Variants in CACNA2D3 observed in about 807,000 individuals in gnomAD.
CACNA2D3 encodes calcium voltage-gated channel auxiliary subunit alpha2delta 3, also known as voltage-dependent calcium channel subunit alpha-2/delta-3.
A neutral mutation model predicts 160.6 loss-of-function variants in CACNA2D3; 60 were observed. That is an observed-to-expected ratio of 0.37 (90% CI 0.30 to 0.46). The LOEUF (loss-of-function observed/expected upper bound fraction) is 0.46, where lower values mean the gene tolerates loss of function less well. Ranked by LOEUF, CACNA2D3 falls within the 20% of genes least tolerant of loss-of-function variation. The probability of loss-of-function intolerance (pLI) is 1.00; values close to 1 mark genes in which losing one functional copy is unlikely to be tolerated. For missense variants in CACNA2D3, 1,205 were observed against 1,365.0 expected (o/e 0.88, Z 1.85); for synonymous variants, 558 against 492.9 (o/e 1.13, Z -1.75).
In CACNA2D3 at chr3:54,339,901, T is replaced by C. The variant is rs9853670; in HGVS notation, c.321+19343T>C. On this transcript the variant is annotated intron_variant, in intron 3 of 37. Coordinates refer to ENST00000474759, the MANE Select transcript of CACNA2D3 (RefSeq NM_018398.3). ...CATCAGACCCTAATTTTCTTGTGACTTTAAAGAGTAAATATTTATTGAGTA... is the reference window on the plus strand; with the variant it reads ...CATCAGACCCTAATTTTCTTGTGACCTTAAAGAGTAAATATTTATTGAGTA... Among the ~76,000 whole-genome samples, 1,179 of 152,274 alleles carry C rather than the reference T, an allele frequency of 7.7e-3. 5 individuals carry two copies. Among genetic ancestry groups the C allele is most frequent in the African/African-American group, 0.017 (705 of 41,546 alleles).
rs117774786 is a variant in CACNA2D3, at chr3:54,676,932, C to T, written c.1167+34691C>T. Among the ~76,000 whole-genome samples the T allele has an allele frequency of 1.8e-4, 27 of 152,142 alleles. No homozygotes were observed. The East Asian group carries it at 2.3e-3, about 13-fold the overall frequency. On this transcript the variant is annotated intron_variant, in intron 11 of 37. Transcript: ENST00000474759. ...GGCACCAAGTAGGGAGTCAGATGTC[C>T]GTAATGCATTAGTTCTGGTTCAGCA...
chr3:54,456,960 C>T (rs376243906), intron 4 of CACNA2D3, among the ~76,000 whole-genome samples: 1 of 151,182 alleles, frequency 6.6e-6, no homozygotes, highest in African/African-American at 2.4e-5. Context: ...TTTTGTTTCT[C>T]ATTTTGCTTA....
At chr3:54,175,139 AC>A (rs1700651224) in intron 2 of CACNA2D3, among the ~76,000 whole-genome samples, 1 of 152,188 alleles carries the variant, frequency 6.6e-6, no homozygotes, top group African/African-American at 2.4e-5. Context: ...TTCAAGTGCC[AC>A]CATAGCACAG....
chr3:54,284,576 T>C (rs72986077), intron 2 of CACNA2D3, among the ~76,000 whole-genome samples: 2,061 of 152,302 alleles, frequency 0.014, 46 homozygotes, highest in African/African-American at 0.048. Flanking sequence ...AATGTCTTAA[T>C]TTTAAGGATG....
At chr3:54,728,503 A>G (rs1480892503) in intron 11 of CACNA2D3, among the ~76,000 whole-genome samples, 1 of 152,032 alleles carries the variant, frequency 6.6e-6, no homozygotes, top group African/African-American at 2.4e-5. Context: ...CCTGTCTGTA[A>G]TATCTGGATT....
intron 13 of CACNA2D3, among the ~76,000 whole-genome samples, chr3:54,809,069 G>C (rs1703212603): frequency 6.6e-6 from 1 of 152,040 alleles, no homozygotes; most frequent in African/African-American, 2.4e-5. Flanking sequence ...GAGACCTCTA[G>C]AGTTCAGAGA....
chr3:54,500,395 A>T (rs1033901955), intron 4 of CACNA2D3, among the ~76,000 whole-genome samples: 1 of 152,086 alleles, frequency 6.6e-6, no homozygotes, highest in Non-Finnish European at 1.5e-5. Flanking sequence ...TGCTCATTCA[A>T]GGTGATTATT....
At chr3:54,371,794 C>T (rs1314128753) in intron 3 of CACNA2D3, among the ~76,000 whole-genome samples, 1 of 152,216 alleles carries the variant, frequency 6.6e-6, no homozygotes, top group East Asian at 1.9e-4. Flanking sequence ...AGGAGGTTCA[C>T]ACTCTGATAT....
chr3:54,223,634 T>G (rs1164016578), intron 2 of CACNA2D3, among the ~76,000 whole-genome samples: 1 of 152,102 alleles, frequency 6.6e-6, no homozygotes, highest in Non-Finnish European at 1.5e-5. Flanking sequence ...GGTGGGCAGA[T>G]CATGAGGTCA....
At chr3:54,667,207 A>T (rs1700083023) in intron 11 of CACNA2D3, among the ~76,000 whole-genome samples, 4 of 150,828 alleles carry the variant, frequency 2.7e-5, no homozygotes, top group Non-Finnish European at 4.4e-5. Flanking sequence ...CATTCATGTA[A>T]AAAGGACCCT....
At chr3:54,919,844 G>A (rs1291037334) in intron 27 of CACNA2D3, among the ~76,000 whole-genome samples, 1 of 152,240 alleles carries the variant, frequency 6.6e-6, no homozygotes, top group Non-Finnish European at 1.5e-5. Context: ...GAGGTCACGA[G>A]TGGATGAAAC....
chr3:54,885,164 C>G lies in CACNA2D3; in HGVS notation c.1913-117C>G, dbSNP rs574018652. On this transcript the variant is annotated intron_variant, in intron 21 of 37. Transcript: ENST00000474759. ...AAACCTGCTGCTCCAAGGCAGGTCC[C>G]TTAGGGTTGATGTCTACCCTTAACC... 155 of 966,800 alleles carry G rather than the reference C, an allele frequency of 1.6e-4. No homozygotes were observed. In the African/African-American group the frequency reaches 2.1e-3, roughly 13 times the overall value. The allele number at this position is 966,800 out of a possible 1,614,324, so 59.9% of individuals were successfully genotyped here. A position where few individuals can be genotyped will look rare whatever the true frequency, so the allele number is the denominator to read the frequency against.
At chr3:54,942,042 T>A (rs981925518) in intron 27 of CACNA2D3, among the ~76,000 whole-genome samples, 9 of 152,326 alleles carry the variant, frequency 5.9e-5, no homozygotes, top group African/African-American at 2.2e-4. Flanking sequence ...TTCTTTCTTG[T>A]AAAAATGCGT....
At chr3:54,346,048 GA>G (rs11354950) in intron 3 of CACNA2D3, among the ~76,000 whole-genome samples, 70,892 of 151,714 alleles carry the variant, frequency 0.47, 16,745 homozygotes, top group African/African-American at 0.56. Context: ...GAGGAGGGTT[GA>G]AAAACAAAGT....
chr3:54,889,164 T>C (rs955512973), intron 24 of CACNA2D3, among the ~76,000 whole-genome samples: 1 of 152,156 alleles, frequency 6.6e-6, no homozygotes. Flanking sequence ...TGTCAGAGGA[T>C]GAGGCTGCAG....
At chr3:54,344,678 G>A (rs62256102) in intron 3 of CACNA2D3, among the ~76,000 whole-genome samples, 4 of 152,074 alleles carry the variant, frequency 2.6e-5, no homozygotes, top group Non-Finnish European at 5.9e-5. Flanking sequence ...GGGGGAAGGG[G>A]AGTGTCTCAG....
intron 4 of CACNA2D3, among the ~76,000 whole-genome samples, chr3:54,400,676 G>C (rs1288656804): frequency 3.9e-5 from 6 of 152,084 alleles, no homozygotes; most frequent in Non-Finnish European, 8.8e-5. Flanking sequence ...ATATACAACT[G>C]CTTCTACTAG....
intron 2 of CACNA2D3, among the ~76,000 whole-genome samples, chr3:54,148,579 C>T (rs1700081404): frequency 6.6e-6 from 1 of 152,166 alleles, no homozygotes; most frequent in Non-Finnish European, 1.5e-5. Context: ...TGGAGTTGGC[C>T]AGCAGGTCAG....
At chr3:54,667,655 C>A (rs759971977) in intron 11 of CACNA2D3, among the ~76,000 whole-genome samples, 38 of 152,112 alleles carry the variant, frequency 2.5e-4, no homozygotes, top group Admixed American at 7.9e-4. Flanking sequence ...TTAAAAGAGT[C>A]AAAATAAGGT....
Sources: allele counts gnomAD v4.1 joint callset (sites outside exome capture counted in the v4.1 genomes callset), GRCh38; gene constraint gnomAD v4.1.1; transcripts MANE v1.5; gene names NCBI Gene and HGNC (gene_info 2026-07-23, HGNC 2026-07-21).